Variants in CREM observed in about 807,000 individuals in gnomAD.
CREM encodes the protein cAMP-responsive element modulator.
CREM carries 13 observed loss-of-function variants against 37.3 expected under a neutral mutation model. That is an observed-to-expected ratio of 0.35 (90% CI 0.23 to 0.55). The LOEUF (loss-of-function observed/expected upper bound fraction) is 0.55. Among genes scored for constraint, CREM ranks in the 20% least tolerant of loss-of-function variants. CREM has a pLI of 0.88. For synonymous variants in CREM, 124 were observed against 120.2 expected (o/e 1.03, Z -0.21); for missense variants, 296 against 362.3 (o/e 0.82, Z 1.49).
At chr10:35,203,107 T>A (rs932832887) in intron 6 of CREM, among the ~76,000 whole-genome samples, 1 of 151,420 alleles carries the variant, frequency 6.6e-6, no homozygotes, top group African/African-American at 2.4e-5. Context: ...CAGGCTGGAG[T>A]GCAGTAGCAT....
At chr10:35,197,449 T>C (rs2095235548) in intron 6 of CREM, among the ~76,000 whole-genome samples, 1 of 149,924 alleles carries the variant, frequency 6.7e-6, no homozygotes, top group Non-Finnish European at 1.5e-5. Context: ...TATTTATTTA[T>C]TTATTTATTT....
At chr10:35,183,346 A>G (rs2094431740) in intron 5 of CREM, among the ~76,000 whole-genome samples, 1 of 152,240 alleles carries the variant, frequency 6.6e-6, no homozygotes, top group Admixed American at 6.5e-5. Flanking sequence ...CAACTTCTTC[A>G]TAAAGGGAAT....
chr10:35,165,651 T>C (rs999306502), intron 3 of CREM, among the ~76,000 whole-genome samples: 1 of 152,014 alleles, frequency 6.6e-6, no homozygotes, highest in Non-Finnish European at 1.5e-5. Flanking sequence ...AAAAGTTCCT[T>C]CCAGAGCTAA....
chr10:35,185,461 G>A (rs1187736825), intron 5 of CREM, among the ~76,000 whole-genome samples: 1 of 152,070 alleles, frequency 6.6e-6, no homozygotes, highest in South Asian at 2.1e-4. Flanking sequence ...TCTTTCTAAA[G>A]CACTATTTCT....
intron 3 of CREM, among the ~76,000 whole-genome samples, chr10:35,158,942 G>A (rs532624179): frequency 2.5e-4 from 38 of 150,832 alleles, no homozygotes; most frequent in African/African-American, 8.5e-4. Flanking sequence ...ATATATCAGT[G>A]TTGACATTTT....
At chr10:35,178,172 T>C (rs1259124189) in intron 3 of CREM, among the ~76,000 whole-genome samples, 2 of 152,214 alleles carry the variant, frequency 1.3e-5, no homozygotes, top group Non-Finnish European at 2.9e-5. Context: ...AAATCAGTCA[T>C]GTTGTTGAAG....
At chr10:35,200,424 A>G (rs950329849) in intron 6 of CREM, among the ~76,000 whole-genome samples, 15 of 152,264 alleles carry the variant, frequency 9.9e-5, no homozygotes, top group Admixed American at 9.8e-4. Flanking sequence ...CACTTTGAGT[A>G]TATACAGTTT....
intron 3 of CREM, among the ~76,000 whole-genome samples, chr10:35,159,910 G>A (rs193188904): frequency 1.5e-4 from 23 of 152,256 alleles, no homozygotes; most frequent in Admixed American, 1.2e-3. Flanking sequence ...CAGAAGACCC[G>A]AATAGATTTT....
chr10:35,179,222 A>G lies in CREM; in HGVS notation c.355A>G (p.Ile119Val), dbSNP rs745464992. Residue 119 changes from isoleucine to valine, a missense_variant, in exon 5 of 8, where the codon ATT becomes GTT. This residue lies in a region of CREM where 257 missense variants were observed against 280.2 expected (regional missense o/e 0.92). Transcript: ENST00000685392. The stretch of plus-strand genomic sequence containing the variant: ...AGAGGAAGAAGGAACACCACCTAGT[A>G]TTGCTACCATGGCAGTACCAACTAG... Reference protein sequence around the residue: ...RSEEEGTPPSIATMAVPTSIY... With the variant: ...RSEEEGTPPSVATMAVPTSIY... The G allele has an allele frequency of 3.1e-6, 5 of 1,613,926 alleles. No homozygotes were observed. Among genetic ancestry groups the G allele is most frequent in the Admixed American group, 1.7e-5 (1 of 60,000 alleles).
chr10:35,192,942 T>C (rs2094979581), intron 6 of CREM, among the ~76,000 whole-genome samples: 1 of 152,208 alleles, frequency 6.6e-6, no homozygotes, highest in Non-Finnish European at 1.5e-5. Context: ...CTCCCTCTTT[T>C]GTAATACAGC....
At position 35,203,480 on chromosome 10, in the gene CREM, T is replaced by C. The variant is rs1398782179; in HGVS notation, c.599-3415T>C. 4.6e-5 allele frequency among the ~76,000 whole-genome samples: 7 copies of C among 151,966 alleles called. No individual in the cohort carries two copies. The East Asian group carries it at 1.4e-3, about 29-fold the overall frequency. ...AGGCTGAGGCAGGTAGATCACGAGG[T>C]TAGGAGTTCGAGACCAGCCTGGCCA... On this transcript the variant is annotated intron_variant, in intron 6 of 7. Transcript: ENST00000685392.
intron 3 of CREM, among the ~76,000 whole-genome samples, chr10:35,174,393 G>T (rs1000127975): frequency 6.6e-6 from 1 of 152,192 alleles, no homozygotes; most frequent in African/African-American, 2.4e-5. Flanking sequence ...CCTAGTACAA[G>T]GCTCAACACC....
At chr10:35,171,706 C>A (rs138675338) in intron 3 of CREM, among the ~76,000 whole-genome samples, 75 of 152,300 alleles carry the variant, frequency 4.9e-4, no homozygotes, top group South Asian at 1.7e-3. Flanking sequence ...TGTAGGACCC[C>A]TGGGTTTCCC....
At chr10:35,157,097 A>C (rs1038129678) in intron 3 of CREM, among the ~76,000 whole-genome samples, 2 of 152,226 alleles carry the variant, frequency 1.3e-5, no homozygotes, top group African/African-American at 4.8e-5. Flanking sequence ...AACATATGCA[A>C]ATCAGTAAAC....
intron 5 of CREM, among the ~76,000 whole-genome samples, chr10:35,181,815 G>A (rs1306326808): frequency 2.0e-5 from 3 of 152,204 alleles, no homozygotes; most frequent in African/African-American, 7.2e-5. Flanking sequence ...TGAGGCTGCA[G>A]TGAGTTATGA....
chr10:35,145,535 C>T (rs1386948161), intron 2 of CREM, among the ~76,000 whole-genome samples: 1 of 152,164 alleles, frequency 6.6e-6, no homozygotes, highest in Non-Finnish European at 1.5e-5. Flanking sequence ...AATCCCAGCA[C>T]TTTGGGAGGC....
chr10:35,152,171 C>G (rs1324916544), intron 3 of CREM: 1 of 152,220 alleles, frequency 6.6e-6, no homozygotes, highest in African/African-American at 2.4e-5. Context: ...ATCAGATTAT[C>G]AGTAAACAGT....
Position 35,138,003 on chromosome 10 carries a change from A to G in CREM, c.44+124A>G, listed in dbSNP as rs1589277506. 4.7e-5 allele frequency: 27 copies of G among 577,610 alleles called. 1 individual carries two copies. In the South Asian group the frequency reaches 1.2e-3, roughly 25 times the overall value. 35.8% of individuals were successfully genotyped at this position (577,610 alleles called of 1,614,324 possible). On this transcript the variant is annotated intron_variant, in intron 2 of 7. Transcript: ENST00000685392. Reference sequence around the variant, plus strand: ...ATGTATATATATTCTATTATAATATATACTCAAATTATTCAGCCATTCACT... The same window carrying G: ...ATGTATATATATTCTATTATAATATGTACTCAAATTATTCAGCCATTCACT...
intron 6 of CREM, among the ~76,000 whole-genome samples, chr10:35,191,235 G>A (rs1319798651): frequency 6.6e-6 from 1 of 151,642 alleles, no homozygotes; most frequent in Non-Finnish European, 1.5e-5. Flanking sequence ...ATTTTGTATT[G>A]TATTTTCTAA....
Sources: gnomAD v4.1 joint callset for allele counts (sites outside exome capture counted in the v4.1 genomes callset) on GRCh38, gnomAD v4.1.1 for gene constraint, gnomAD v4.1.1 regional missense constraint, MANE v1.5 for transcripts, NCBI Gene and HGNC (gene_info 2026-07-23, HGNC 2026-07-21) for gene names.